FLRT3: variants seen among roughly 807,000 people sequenced by gnomAD.
FLRT3 encodes the protein leucine-rich repeat transmembrane protein FLRT3.
In FLRT3, 17 loss-of-function variants were observed where a neutral mutation model predicts 42.6. The observed-to-expected ratio is 0.40, with a 90% confidence interval of 0.27 to 0.60. The LOEUF (loss-of-function observed/expected upper bound fraction) is 0.60. Ranked by LOEUF, FLRT3 falls within the 20% of genes least tolerant of loss-of-function variation. The pLI, the probability that FLRT3 is intolerant of heterozygous loss-of-function variation, is 0.44. For missense variants in FLRT3, 635 were observed against 789.2 expected, an observed-to-expected ratio of 0.80 and a Z score of 2.34; for synonymous variants, 279 against 286.4, an observed-to-expected ratio of 0.97 and a Z score of 0.26.
At chr20:14,335,106 C>T (rs2082913346) in intron 1 of FLRT3, among the ~76,000 whole-genome samples, 1 of 152,126 alleles carries the variant, frequency 6.6e-6, no homozygotes, top group Non-Finnish European at 1.5e-5. Flanking sequence ...GGGCTTAAAA[C>T]TGTTCAAAAT....
In FLRT3 at chr20:14,323,130, C is replaced by G. The variant is rs887980636; in HGVS notation, c.*2427G>C. ...GGTGTCCTCCAATTCAGTTTAATCC[C>G]AACACTGTCTACCTGGAAATTGTGT... is the stretch of plus-strand genomic sequence containing the variant. On this transcript the variant is annotated 3_prime_UTR_variant, in exon 3 of 3. Coordinates refer to ENST00000341420, the MANE Select transcript of FLRT3 (RefSeq NM_198391.3). The G allele has an allele frequency of 7.9e-5, 12 of 152,108 alleles. No individual in the cohort carries two copies. Among genetic ancestry groups the G allele is most frequent in the African/African-American group, 2.9e-4 (12 of 41,410 alleles). 9.4% of individuals were successfully genotyped at this position (152,108 alleles called of 1,614,324 possible).
chr20:14,325,635 T>G lies in FLRT3; in HGVS notation c.1872A>C (p.Lys624Asn). 6.2e-7 allele frequency: 1 copy of G among 1,613,764 alleles called. No homozygotes were observed. The highest frequency in any genetic ancestry group is 2.2e-5 in the East Asian group (1 of 44,866). Residue 624 changes from lysine to asparagine, a missense_variant, in exon 3 of 3, where the codon AAA (lysine) becomes AAC (asparagine). Physicochemically the swap from Lys to Asn is moderately conservative, Grantham distance 94 (BLOSUM62 0). Transcript: ENST00000341420. ...TACTACTGCTTTCACTGTGATTGTT[T>G]TTGTACAGATTCATTCCATTAGGAG... Reference protein sequence around the residue: ...IFPPNGMNLYKNNHSESSSNR... With the variant: ...IFPPNGMNLYNNNHSESSSNR...
At chr20:14,328,151 T>A (rs1049545807) in intron 2 of FLRT3, among the ~76,000 whole-genome samples, 2 of 152,270 alleles carry the variant, frequency 1.3e-5, no homozygotes, top group African/African-American at 4.8e-5. Flanking sequence ...TAATGTCATT[T>A]CATTTTCTTT....
At chr20:14,337,264 C>T (rs760584718) in intron 1 of FLRT3, 140 bp downstream of exon 1, 4 of 236,898 alleles carry the variant, frequency 1.7e-5, no homozygotes, top group African/African-American at 6.7e-5. Flanking sequence ...CTGGCTTGCA[C>T]GCACATATAT....
At position 14,323,812 on chromosome 20, in the gene FLRT3, A is replaced by G. The variant is rs1019213185; in HGVS notation, c.*1745T>C. ...CACTCTACTAAAAGGCTATTTTAAA[A>G]AAACAGTTTTTCAAAGACCACCTTA... On this transcript the variant is annotated 3_prime_UTR_variant, in exon 3 of 3. Transcript: ENST00000341420. 6.6e-5 allele frequency: 10 copies of G among 152,216 alleles called. No homozygotes were observed. The highest frequency in any genetic ancestry group is 2.2e-4 in the African/African-American group (9 of 41,452). The allele number at this position is 152,216 out of a possible 1,614,324, so 9.4% of individuals were successfully genotyped here. A position where few individuals can be genotyped will look rare whatever the true frequency, so the allele number is the denominator to read the frequency against.
chr20:14,334,518 G>C (rs1020353030), intron 1 of FLRT3, among the ~76,000 whole-genome samples: 1 of 152,090 alleles, frequency 6.6e-6, no homozygotes, highest in Non-Finnish European at 1.5e-5. Context: ...TTTGCCCACT[G>C]GGGGGTGGTA....
rs2082703393 is a variant in FLRT3, at chr20:14,324,464, T to C, written c.*1093A>G. On this transcript the variant is annotated 3_prime_UTR_variant, in exon 3 of 3. Coordinates refer to ENST00000341420, the MANE Select transcript of FLRT3 (RefSeq NM_198391.3). ...GATCTTTGTAAAAGTAAATTGAACATTTATGTACAGTGTTAAAACCTTTGA... is the reference window on the plus strand; with the variant it reads ...GATCTTTGTAAAAGTAAATTGAACACTTATGTACAGTGTTAAAACCTTTGA... 1 of 152,622 alleles carries C rather than the reference T, an allele frequency of 6.6e-6. No individual in the cohort carries two copies. The highest frequency in any genetic ancestry group is 1.5e-5 in the Non-Finnish European group (1 of 68,026). The allele number at this position is 152,622 out of a possible 1,614,324, so 9.5% of individuals were successfully genotyped here. A position where few individuals can be genotyped will look rare whatever the true frequency, so the allele number is the denominator to read the frequency against.
At chr20:14,332,580 T>C (rs2082864951) in intron 1 of FLRT3, among the ~76,000 whole-genome samples, 1 of 152,186 alleles carries the variant, frequency 6.6e-6, no homozygotes. Flanking sequence ...TTTAAAAATA[T>C]TAATTCAAGT....
In FLRT3 at chr20:14,327,356, A is replaced by G; in HGVS notation, c.151T>C (p.Ser51Pro). 6.2e-7 allele frequency: 1 copy of G among 1,613,764 alleles called. No individual in the cohort carries two copies. The highest frequency in any genetic ancestry group is 1.3e-5 in the African/African-American group (1 of 75,028). Residue 51 changes from serine to proline, a missense_variant, in exon 3 of 3, where the codon TCC becomes CCC. By Grantham distance (74) the Ser-to-Pro change is moderately conservative. Transcript: ENST00000341420. The part of the protein sequence containing the change: ...FIYCNDRFLT[S>P]IPTGIPEDAT... ...TCCTCTGGTATTCCTGTTGGAATGG[A>G]TGTCAGAAAGCGATCATTACAGTAA... is the stretch of plus-strand genomic sequence containing the variant.
Position 14,326,100 on chromosome 20 carries a change from C to T in FLRT3, c.1407G>A (p.Leu469=), listed in dbSNP as rs369777520. The T allele has an allele frequency of 4.3e-6, 7 of 1,613,846 alleles. No homozygotes were observed. The highest frequency in any genetic ancestry group is 5.9e-6 in the Non-Finnish European group (7 of 1,179,850). ...ATACTTTATAGGGTGAATCAGGCTC[C>T]AGGGCTGTGACCAAGTACTCACTGC... The part of the protein sequence containing the change: ...GERSEYLVTA[L]EPDSPYKVCM... Residue 469 remains leucine, a synonymous_variant, in exon 3 of 3, where the codon CTG becomes CTA. Coordinates refer to ENST00000341420, the MANE Select transcript of FLRT3 (RefSeq NM_198391.3). This position sits in a 1 kb window ranked among gnomAD's most constrained non-coding sequence, Gnocchi z 5.5.
Position 14,327,328 on chromosome 20 carries a change from G to A in FLRT3, c.179C>T (p.Ala60Val). ...GTTGTTCTGAAGGTAGAGAGTTGTA[G>A]CATCCTCTGGTATTCCTGTTGGAAT... ...TSIPTGIPEDATTLYLQNNQI... is the reference protein window; with the variant it reads ...TSIPTGIPEDVTTLYLQNNQI... The change falls in exon 3 of 3, where the codon GCT becomes GTT. Residue 60 changes from alanine to valine, a missense_variant. Coordinates refer to ENST00000341420, the MANE Select transcript of FLRT3 (RefSeq NM_198391.3). The A allele has an allele frequency of 1.2e-6, 2 of 1,613,784 alleles. No individual in the cohort carries two copies. Among genetic ancestry groups the A allele is most frequent in the South Asian group, 1.1e-5 (1 of 91,070 alleles).
At position 14,325,486 on chromosome 20, in the gene FLRT3, C is replaced by T. The variant is rs2082718074; in HGVS notation, c.*71G>A. The T allele has an allele frequency of 1.2e-5, 18 of 1,470,780 alleles. No individual in the cohort carries two copies. The highest frequency in any genetic ancestry group is 1.7e-5 in the Non-Finnish European group (18 of 1,089,890). 91.1% of individuals were successfully genotyped at this position (1,470,780 alleles called of 1,614,324 possible). On this transcript the variant is annotated 3_prime_UTR_variant, in exon 3 of 3. Transcript: ENST00000341420. The stretch of plus-strand genomic sequence containing the variant: ...CTTTTTCCAGTGTTTTGCAGTAGAA[C>T]AGGGTTCCTACCATCACCTCCCTTA...
intron 1 of FLRT3, among the ~76,000 whole-genome samples, chr20:14,336,648 A>G (rs1310245560): frequency 6.6e-6 from 1 of 152,212 alleles, no homozygotes; most frequent in African/African-American, 2.4e-5. Context: ...TACATCAGGC[A>G]TAGCTTCCAG....
In FLRT3 at chr20:14,337,485, T is replaced by TC; in HGVS notation, c.-329dup. On this transcript the variant is annotated 5_prime_UTR_variant, in exon 1 of 3. Transcript: ENST00000341420. Reference sequence around the variant, plus strand: ...TGACAGTGAATTGGAGTAATAGCCCTCCCCCGTCTCCCAAGCTCTGCGTCC... The same window carrying TC: ...TGACAGTGAATTGGAGTAATAGCCCTCCCCCCGTCTCCCAAGCTCTGCGTCC... The TC allele has an allele frequency of 2.5e-6, 1 of 397,924 alleles. No homozygotes were observed. Among genetic ancestry groups the TC allele is most frequent in the Non-Finnish European group, 4.4e-6 (1 of 225,804 alleles). The allele number at this position is 397,924 out of a possible 1,614,324, so 24.6% of individuals were successfully genotyped here.
In FLRT3 at chr20:14,326,793, A is replaced by G; in HGVS notation, c.714T>C (p.Thr238=). Residue 238 remains threonine (T), a synonymous_variant, in exon 3 of 3, where the codon ACT becomes ACC. Coordinates refer to ENST00000341420, the MANE Select transcript of FLRT3 (RefSeq NM_198391.3). The surrounding 1 kb of genome is among the most constrained non-coding windows in gnomAD (Gnocchi z 5.5). ...TGCCTGGAAGGTTTACTGGTGCAGC[A>G]GTCAGGGAATTCCGCACCAGGGACA... is the stretch of plus-strand genomic sequence containing the variant. The part of the protein sequence containing the change: ...TELSLVRNSL[T]AAPVNLPGTN... 6.2e-7 allele frequency: 1 copy of G among 1,613,834 alleles called. No homozygotes were observed. The highest frequency in any genetic ancestry group is 8.5e-7 in the Non-Finnish European group (1 of 1,179,830).
Position 14,326,485 on chromosome 20 carries a change from C to T in FLRT3, c.1022G>A (p.Arg341His), listed in dbSNP as rs944637009. The T allele has an allele frequency of 3.7e-6, 6 of 1,613,892 alleles. No homozygotes were observed. The highest frequency in any genetic ancestry group is 2.2e-5 in the East Asian group (1 of 44,868). The part of the protein sequence containing the change: ...GLMCQAPEKV[R>H]GMAIKDLNAE... The stretch of plus-strand genomic sequence containing the variant: ...ATTGAGATCCTTAATAGCCATCCCA[C>T]GAACCTTTTCTGGGGCTTGGCACAT... Residue 341 changes from arginine to histidine, a missense_variant, in exon 3 of 3, where the codon CGT (arginine) becomes CAT (histidine). Arg to His is a conservative substitution (Grantham distance 29). Coordinates refer to ENST00000341420, the MANE Select transcript of FLRT3 (RefSeq NM_198391.3). This position sits in a 1 kb window ranked among gnomAD's most constrained non-coding sequence, Gnocchi z 5.5.
In FLRT3 at chr20:14,326,984, T is replaced by G; in HGVS notation, c.523A>C (p.Arg175=). The G allele has an allele frequency of 6.2e-7, 1 of 1,613,784 alleles. No individual in the cohort carries two copies. Among genetic ancestry groups the G allele is most frequent in the Non-Finnish European group, 8.5e-7 (1 of 1,179,782 alleles). ...HLSTIPWGLP[R]TIEELRLDDN... ...TCCAAGCGTAGTTCTTCTATAGTCC[T>G]GGGCAAACCCCAGGGAATTGTGCTA... Residue 175 remains arginine (R), a synonymous_variant, in exon 3 of 3, where the codon AGG becomes CGG. Transcript: ENST00000341420. This position sits in a 1 kb window ranked among gnomAD's most constrained non-coding sequence, Gnocchi z 5.5.
At chr20:14,335,884 G>A (rs1041350520) in intron 1 of FLRT3, among the ~76,000 whole-genome samples, 10 of 152,088 alleles carry the variant, frequency 6.6e-5, no homozygotes, top group Admixed American at 1.3e-4. Context: ...ATATATATGT[G>A]TCCAAACTAA....
chr20:14,328,334 T>C (rs953788866), intron 2 of FLRT3, among the ~76,000 whole-genome samples: 2 of 152,122 alleles, frequency 1.3e-5, no homozygotes, highest in African/African-American at 4.8e-5. Context: ...TTTTGTTATA[T>C]GTTTCATACT....
Sources: gnomAD v4.1 joint callset for allele counts (sites outside exome capture counted in the v4.1 genomes callset) on GRCh38, gnomAD v4.1.1 for gene constraint, Gnocchi (gnomAD v3.1) non-coding constraint, MANE v1.5 for transcripts, NCBI Gene and HGNC (gene_info 2026-07-23, HGNC 2026-07-21) for gene names.